Variants in GPAM observed in about 807,000 individuals in gnomAD.
GPAM encodes the protein glycerol-3-phosphate acyltransferase, mitochondrial, also known as glycerol-3-phosphate acyltransferase 1, mitochondrial.
In GPAM, 56 loss-of-function variants were observed where a neutral mutation model predicts 105.0. The ratio of observed to expected loss-of-function variants is 0.53; its 90% CI spans 0.43 to 0.67. The LOEUF (loss-of-function observed/expected upper bound fraction) is 0.67, where lower values mean the gene tolerates loss of function less well. GPAM is among the 30% of genes least tolerant of loss of function. GPAM has a pLI of 0.00. For missense variants in GPAM, 855 were observed against 989.8 expected (o/e 0.86, Z 1.83); for synonymous variants, 368 against 354.4 (o/e 1.04, Z -0.43).
At chr10:112,198,421 A>G (rs1170232940) in intron 1 of GPAM, among the ~76,000 whole-genome samples, 1 of 152,234 alleles carries the variant, frequency 6.6e-6, no homozygotes, top group Non-Finnish European at 1.5e-5. Context: ...TTAAAGCAGT[A>G]GTTCCTCACT....
At position 112,166,420 on chromosome 10, in the gene GPAM, T is replaced by C. The variant is rs1847217982; in HGVS notation, c.1203A>G (p.Ala401=). Residue 401 remains alanine (A), a synonymous_variant, in exon 12 of 22, where the codon GCA becomes GCG. Coordinates refer to ENST00000348367, the MANE Select transcript of GPAM (RefSeq NM_001244949.2). ...CACTCACCTTTAAGGAAAATGGCTG[T>C]GCAAAATCCACTCGGACACAACCAT... The part of the protein sequence containing the change: ...KNYGCVRVDF[A]QPFSLKEYLE... 6.3e-7 allele frequency: 1 copy of C among 1,594,304 alleles called. No individual in the cohort carries two copies. Among genetic ancestry groups the C allele is most frequent in the Non-Finnish European group, 8.6e-7 (1 of 1,162,076 alleles).
At chr10:112,190,444 G>A (rs1274792456) in intron 1 of GPAM, among the ~76,000 whole-genome samples, 1 of 150,564 alleles carries the variant, frequency 6.6e-6, no homozygotes, top group Admixed American at 6.6e-5. Flanking sequence ...GCCAGAGAGT[G>A]AGCCAAGATT....
upstream of GPAM, among the ~76,000 whole-genome samples, chr10:112,185,311 C>G (rs767701484): frequency 6.7e-6 from 1 of 150,340 alleles, no homozygotes; most frequent in African/African-American, 2.5e-5. Flanking sequence ...ATCAGGCATG[C>G]GAAAAGAAGC....
At chr10:112,160,554 C>A (rs775222348) in intron 16 of GPAM, 50 bp downstream of exon 16, 3 of 1,550,138 alleles carry the variant, frequency 1.9e-6, no homozygotes, top group Non-Finnish European at 1.8e-6. Context: ...TGTTTTAGGC[C>A]TTTTTATTTT....
intron 1 of GPAM, among the ~76,000 whole-genome samples, chr10:112,193,159 A>C (rs927132284): frequency 6.6e-6 from 1 of 152,252 alleles, no homozygotes; most frequent in Middle Eastern, 3.4e-3. Context: ...AGAGAAGACA[A>C]AAGTAGAAGG....
chr10:112,223,809 G>T, the GPAM span, among the ~76,000 whole-genome samples: 1 of 152,146 alleles, frequency 6.6e-6, no homozygotes, highest in Admixed American at 6.5e-5. Flanking sequence ...TATAAACAAA[G>T]ACTACAGCAA....
At chr10:112,188,967 G>C (rs1352553613) in intron 1 of GPAM, among the ~76,000 whole-genome samples, 1 of 152,144 alleles carries the variant, frequency 6.6e-6, no homozygotes, top group Admixed American at 6.5e-5. Context: ...AATAGTCCCT[G>C]TTCAGAGGCT....
At chr10:112,170,142 G>A (rs1454267762) in intron 9 of GPAM, among the ~76,000 whole-genome samples, 1 of 152,186 alleles carries the variant, frequency 6.6e-6, no homozygotes, top group Admixed American at 6.5e-5. Flanking sequence ...ATGGTCTGTG[G>A]AAATTGTCTT....
chr10:112,159,833 A>AG (rs1428202575), intron 17 of GPAM, 78 bp downstream of exon 17: 2 of 1,419,850 alleles, frequency 1.4e-6, no homozygotes, highest in Non-Finnish European at 2.0e-6. Flanking sequence ...ATTATCTAAC[A>AG]GAAAAACACG....
chr10:112,222,400 A>G, the GPAM span, among the ~76,000 whole-genome samples: 108 of 152,338 alleles, frequency 7.1e-4, no homozygotes, highest in African/African-American at 2.5e-3. Flanking sequence ...AAAATGACTC[A>G]TCAATGCCTA....
intron 1 of GPAM, among the ~76,000 whole-genome samples, chr10:112,183,232 T>C (rs771600125): frequency 6.6e-6 from 1 of 152,226 alleles, no homozygotes; most frequent in Non-Finnish European, 1.5e-5. Context: ...TCCTGGATTG[T>C]TGAGAGGACG....
intron 1 of GPAM, among the ~76,000 whole-genome samples, chr10:112,196,924 C>T (rs1336176182): frequency 6.6e-6 from 1 of 152,094 alleles, no homozygotes; most frequent in Non-Finnish European, 1.5e-5. Context: ...TTTCCAGAGG[C>T]TCTCACTTCT....
intron 9 of GPAM, among the ~76,000 whole-genome samples, chr10:112,169,187 C>T (rs937239262): frequency 9.9e-5 from 15 of 152,102 alleles, no homozygotes; most frequent in Non-Finnish European, 2.2e-4. Context: ...TCTATTATAT[C>T]TGTTCCAAGC....
intron 11 of GPAM, 48 bp downstream of exon 11, chr10:112,168,264 T>C (rs1265291948): frequency 2.8e-6 from 3 of 1,075,490 alleles, no homozygotes; most frequent in South Asian, 2.5e-5. Flanking sequence ...AAAAGTTAAA[T>C]CTAAAAGACT....
At chr10:112,220,853 TACACACACAC>T in the GPAM span, among the ~76,000 whole-genome samples, 21 of 146,022 alleles carry the variant, frequency 1.4e-4, no homozygotes, top group Middle Eastern at 7.0e-3. Context: ...AGATCTCAAA[TACACACACAC>T]ACACACACAC....
chr10:112,226,524 G>A, the GPAM span, among the ~76,000 whole-genome samples: 4 of 152,230 alleles, frequency 2.6e-5, no homozygotes, highest in Admixed American at 1.3e-4. Flanking sequence ...GGCCATGGGG[G>A]CTATGAAGTC....
chr10:112,208,327 T>C (rs1589611519), intron 1 of GPAM, among the ~76,000 whole-genome samples: 1 of 152,284 alleles, frequency 6.6e-6, no homozygotes, highest in Middle Eastern at 3.4e-3. Context: ...AAATTAAACA[T>C]CCTGATAACC....
At chr10:112,188,074 T>C (rs542615698), upstream of GPAM, among the ~76,000 whole-genome samples, 65 of 152,086 alleles carry the variant, frequency 4.3e-4, 1 homozygote, top group South Asian at 0.013. Flanking sequence ...AAAACACCTA[T>C]ACTAGAAAAA....
chr10:112,163,819 A>T lies in GPAM; in HGVS notation c.1308-3T>A. ...CTTCATCAGCAGCATCACTGGGTCT[A>T]AAAAGTGTTTCAAAAATCAACACAC... On this transcript the variant is annotated splice_region_variant and splice_polypyrimidine_tract_variant and intron_variant, in intron 13 of 21. Coordinates refer to ENST00000348367, the MANE Select transcript of GPAM (RefSeq NM_001244949.2). 1 of 1,482,758 alleles carries T rather than the reference A, an allele frequency of 6.7e-7. No homozygotes were observed. The highest frequency in any genetic ancestry group is 9.4e-7 in the Non-Finnish European group (1 of 1,060,126). The allele number at this position is 1,482,758 out of a possible 1,614,324, so 91.9% of individuals were successfully genotyped here.
Sources: gnomAD v4.1 joint callset for allele counts (sites outside exome capture counted in the v4.1 genomes callset) on GRCh38, gnomAD v4.1.1 for gene constraint, MANE v1.5 for transcripts, NCBI Gene and HGNC (gene_info 2026-07-23, HGNC 2026-07-21) for gene names.